Variants in DGKB observed in about 807,000 individuals in gnomAD.
The protein encoded by DGKB is 90 kDa diacylglycerol kinase.
A neutral mutation model predicts 114.3 loss-of-function variants in DGKB; 67 were observed. The ratio of observed to expected loss-of-function variants is 0.59; its 90% CI spans 0.48 to 0.72. The LOEUF is 0.72. DGKB is among the 30% of genes least tolerant of loss of function. The probability of loss-of-function intolerance (pLI) is 0.00; values close to 1 mark genes in which losing one functional copy is unlikely to be tolerated. For synonymous variants in DGKB, 398 were observed against 323.1 expected, an observed-to-expected ratio of 1.23 and a Z score of -2.49; for missense variants, 907 against 975.2, an observed-to-expected ratio of 0.93 and a Z score of 0.93.
intron 2 of DGKB, among the ~76,000 whole-genome samples, chr7:14,817,429 T>A (rs1336866636): frequency 6.6e-6 from 1 of 152,184 alleles, no homozygotes. Flanking sequence ...TGCTATGATA[T>A]TTTTTAAAAA....
At chr7:14,263,308 T>G (rs1163513659) in intron 23 of DGKB, among the ~76,000 whole-genome samples, 1 of 152,184 alleles carries the variant, frequency 6.6e-6, no homozygotes, top group Non-Finnish European at 1.5e-5. Flanking sequence ...GTATTTCTAA[T>G]ACACTATAGC....
chr7:14,274,293 A>T (rs1798682969), intron 23 of DGKB, among the ~76,000 whole-genome samples: 1 of 152,182 alleles, frequency 6.6e-6, no homozygotes. Flanking sequence ...AACAGCCTCC[A>T]AATTTTATTT....
At chr7:14,675,243 G>A (rs1418275260) in intron 12 of DGKB, among the ~76,000 whole-genome samples, 1 of 152,112 alleles carries the variant, frequency 6.6e-6, no homozygotes, top group Non-Finnish European at 1.5e-5. Context: ...GACATACTGA[G>A]TCTTATGCCA....
intron 23 of DGKB, among the ~76,000 whole-genome samples, chr7:14,227,732 C>A (rs182263012): frequency 6.6e-6 from 1 of 152,066 alleles, no homozygotes; most frequent in Admixed American, 6.6e-5. Flanking sequence ...ATATTTCACA[C>A]ATACCTATGT....
At chr7:14,616,871 T>C (rs2128805920) in intron 15 of DGKB, among the ~76,000 whole-genome samples, 1 of 151,900 alleles carries the variant, frequency 6.6e-6, no homozygotes, top group Non-Finnish European at 1.5e-5. Flanking sequence ...AGGAAAGATT[T>C]TATAGCATCT....
intron 20 of DGKB, among the ~76,000 whole-genome samples, chr7:14,509,234 C>T (rs118122130): frequency 0.021 from 3,190 of 152,220 alleles, 54 homozygotes; most frequent in Non-Finnish European, 0.037. Flanking sequence ...CACAATAAAG[C>T]TAATACTGTG....
chr7:14,509,806 T>C (rs1249169091), intron 20 of DGKB, among the ~76,000 whole-genome samples: 1 of 152,200 alleles, frequency 6.6e-6, no homozygotes, highest in Non-Finnish European at 1.5e-5. Context: ...TGCTGGGTGG[T>C]GTGGGGCTGG....
chr7:14,945,789 T>C (rs71538893), intron 1 of DGKB, among the ~76,000 whole-genome samples: 37 of 151,892 alleles, frequency 2.4e-4, no homozygotes, highest in African/African-American at 8.9e-4. Flanking sequence ...TTATTTATTG[T>C]ACTTTTGTTA....
chr7:14,736,076 G>C lies in DGKB; in HGVS notation c.287C>G (p.Pro96Arg). The change falls in exon 5 of 26, where the codon CCA (proline) becomes CGA (arginine). Residue 96 changes from proline to arginine, a missense_variant. This residue lies in a region of DGKB where 814 missense variants were observed against 856.6 expected (regional missense o/e 0.95). Coordinates refer to ENST00000402815, the MANE Select transcript of DGKB (RefSeq NM_001350709.2). ...GAGAGCAGGCTTACTTTTTACCATT[G>C]GACTAGAATGAGGAAACTTGTTGCT... ...SFSNKFPHSS[P>R]MVKSKPALLS... The C allele has an allele frequency of 6.2e-7, 1 of 1,608,324 alleles. No homozygotes were observed. Among genetic ancestry groups the C allele is most frequent in the Non-Finnish European group, 8.5e-7 (1 of 1,176,790 alleles).
At chr7:14,530,230 A>T (rs529603351) in intron 20 of DGKB, among the ~76,000 whole-genome samples, 56 of 151,650 alleles carry the variant, frequency 3.7e-4, no homozygotes, top group African/African-American at 8.9e-4. Flanking sequence ...TAATTTTTTT[A>T]AAAAAATTAT....
At chr7:14,250,843 A>G (rs934601419) in intron 23 of DGKB, among the ~76,000 whole-genome samples, 6 of 152,140 alleles carry the variant, frequency 3.9e-5, no homozygotes, top group African/African-American at 1.4e-4. Context: ...TACAGTTTTT[A>G]TATCCTCTTG....
At chr7:14,586,942 G>A (rs150457779) in intron 17 of DGKB, among the ~76,000 whole-genome samples, 1 of 152,024 alleles carries the variant, frequency 6.6e-6, no homozygotes, top group African/African-American at 2.4e-5. Flanking sequence ...TGTGCAGAAA[G>A]ATGAATGTTG....
At chr7:14,480,964 G>GACTTA (rs1164840708) in intron 20 of DGKB, among the ~76,000 whole-genome samples, 1 of 151,660 alleles carries the variant, frequency 6.6e-6, no homozygotes, top group Admixed American at 6.6e-5. Flanking sequence ...TATTTTTAAA[G>GACTTA]ACTTACATTG....
At chr7:14,320,932 T>C (rs1807656103) in intron 23 of DGKB, among the ~76,000 whole-genome samples, 1 of 152,198 alleles carries the variant, frequency 6.6e-6, no homozygotes, top group South Asian at 2.1e-4. Context: ...TCCAGTGTTG[T>C]ATAACAAGAT....
intron 20 of DGKB, among the ~76,000 whole-genome samples, chr7:14,525,264 G>T (rs528630840): frequency 9.2e-5 from 14 of 152,246 alleles, no homozygotes; most frequent in East Asian, 7.7e-4. Flanking sequence ...TCTGAACAAT[G>T]CTCTCCCTAT....
intron 1 of DGKB, among the ~76,000 whole-genome samples, chr7:14,849,142 T>A (rs942493713): frequency 6.6e-6 from 1 of 152,044 alleles, no homozygotes; most frequent in Non-Finnish European, 1.5e-5. Flanking sequence ...ATTTAGGAAA[T>A]GTGGACAGGT....
intron 20 of DGKB, among the ~76,000 whole-genome samples, chr7:14,531,654 T>G (rs1367655444): frequency 8.3e-6 from 1 of 120,880 alleles, no homozygotes; most frequent in South Asian, 2.8e-4. Context: ...CTTATCAAAA[T>G]GACAGCAGAT....
intron 2 of DGKB, among the ~76,000 whole-genome samples, chr7:14,805,735 A>G (rs1842718539): frequency 2.0e-5 from 3 of 151,826 alleles, no homozygotes; most frequent in Admixed American, 1.3e-4. Flanking sequence ...AATGATATGA[A>G]CTTGCAATTC....
At chr7:14,423,744 C>G (rs1315996168) in intron 21 of DGKB, among the ~76,000 whole-genome samples, 1 of 152,096 alleles carries the variant, frequency 6.6e-6, no homozygotes, top group Non-Finnish European at 1.5e-5. Flanking sequence ...CATTGACACA[C>G]ATTTAACATT....
Sources: gnomAD v4.1 joint callset for allele counts (sites outside exome capture counted in the v4.1 genomes callset) on GRCh38, gnomAD v4.1.1 for gene constraint, gnomAD v4.1.1 regional missense constraint, MANE v1.5 for transcripts, NCBI Gene and HGNC (gene_info 2026-07-23, HGNC 2026-07-21) for gene names.